Variants in KCNH7 observed in about 807,000 individuals in gnomAD.
KCNH7 encodes the protein potassium voltage-gated channel subfamily H member 7.
KCNH7 carries 49 observed loss-of-function variants against 120.8 expected under a neutral mutation model. The observed-to-expected ratio is 0.41, with a 90% CI of 0.32 to 0.51. The LOEUF (loss-of-function observed/expected upper bound fraction) is 0.51, where lower values mean the gene tolerates loss of function less well. Ranked by LOEUF, KCNH7 falls within the 20% of genes least tolerant of loss-of-function variation. The pLI is 0.38. For missense variants in KCNH7, 1,097 were observed against 1,446.6 expected, an observed-to-expected ratio of 0.76 and a Z score of 3.92; for synonymous variants, 547 against 516.1, an observed-to-expected ratio of 1.06 and a Z score of -0.81.
chr2:162,478,882 G>A (rs772036432), intron 6 of KCNH7, among the ~76,000 whole-genome samples: 38 of 152,072 alleles, frequency 2.5e-4, no homozygotes, highest in Non-Finnish European at 3.5e-4. Context: ...AATGCATCCC[G>A]TTTTAGAGAG....
intron 2 of KCNH7, among the ~76,000 whole-genome samples, chr2:162,716,000 C>T (rs1687108477): frequency 6.6e-6 from 1 of 150,830 alleles, no homozygotes; most frequent in Non-Finnish European, 1.5e-5. Context: ...TCGGAAGGTC[C>T]TTTAACAAAT....
intron 11 of KCNH7, 62 bp downstream of exon 11, chr2:162,396,678 T>G: frequency 8.2e-7 from 1 of 1,216,256 alleles, no homozygotes; most frequent in Non-Finnish European, 1.2e-6. Context: ...GAAGTATTTG[T>G]GCAATTCAAG....
chr2:162,671,596 C>T (rs1178300790), intron 2 of KCNH7, among the ~76,000 whole-genome samples: 4 of 151,986 alleles, frequency 2.6e-5, no homozygotes, highest in African/African-American at 9.7e-5. Flanking sequence ...GACATACTAC[C>T]TACCTATTTG....
intron 7 of KCNH7, among the ~76,000 whole-genome samples, chr2:162,441,060 A>G (rs972916034): frequency 6.6e-6 from 1 of 151,368 alleles, no homozygotes; most frequent in Non-Finnish European, 1.5e-5. Flanking sequence ...GGGATCTCAT[A>G]TCTCTTAAAA....
At chr2:162,574,374 T>A (rs1428140767) in intron 2 of KCNH7, among the ~76,000 whole-genome samples, 3 of 151,958 alleles carry the variant, frequency 2.0e-5, no homozygotes, top group African/African-American at 4.8e-5. Context: ...TAGTATTTTT[T>A]AAAGTATTAA....
rs367839169 is a variant in KCNH7, at chr2:162,419,659, C to T, written c.2154+3677G>A. Among the ~76,000 whole-genome samples, 34 of 152,056 alleles carry T rather than the reference C, an allele frequency of 2.2e-4. 1 individual carries two copies. Among genetic ancestry groups the T allele is most frequent in the African/African-American group, 7.2e-4 (30 of 41,418 alleles). ...ATTCTCCATTAAATGCTCATACAGG[C>T]ATTTTTTCCATGCAATTATAATATG... On this transcript the variant is annotated intron_variant, in intron 9 of 15. Coordinates refer to ENST00000332142, the MANE Select transcript of KCNH7 (RefSeq NM_033272.4).
chr2:162,823,986 T>C (rs1685202260), intron 2 of KCNH7, among the ~76,000 whole-genome samples: 1 of 152,188 alleles, frequency 6.6e-6, no homozygotes, highest in Non-Finnish European at 1.5e-5. Flanking sequence ...AGCAGAGCAT[T>C]AGCTCTGCCA....
intron 6 of KCNH7, among the ~76,000 whole-genome samples, chr2:162,458,554 T>C (rs542303993): frequency 6.6e-6 from 1 of 152,256 alleles, no homozygotes; most frequent in South Asian, 2.1e-4. Context: ...AAACTACATA[T>C]GGATTCTTCC....
intron 2 of KCNH7, among the ~76,000 whole-genome samples, chr2:162,546,894 C>G (rs1417723219): frequency 1.3e-5 from 2 of 151,792 alleles, no homozygotes; most frequent in African/African-American, 2.4e-5. Flanking sequence ...GATGGAGTGT[C>G]TGAAGAGAGG....
At chr2:162,683,540 G>A (rs538676628) in intron 2 of KCNH7, among the ~76,000 whole-genome samples, 1 of 151,856 alleles carries the variant, frequency 6.6e-6, no homozygotes, top group Non-Finnish European at 1.5e-5. Context: ...ATTCACAAAG[G>A]TGAAAGAAAG....
chr2:162,433,321 A>C (rs1409933931), intron 8 of KCNH7, among the ~76,000 whole-genome samples: 3 of 152,108 alleles, frequency 2.0e-5, no homozygotes, highest in Non-Finnish European at 4.4e-5. Flanking sequence ...GAATAGTCAA[A>C]GCAATCCTGA....
intron 2 of KCNH7, among the ~76,000 whole-genome samples, chr2:162,775,976 T>C (rs1227347977): frequency 6.6e-6 from 1 of 152,162 alleles, no homozygotes; most frequent in East Asian, 1.9e-4. Context: ...AGGAATATTG[T>C]GAGGATTACA....
chr2:162,482,995 G>T (rs1174693981), intron 6 of KCNH7, among the ~76,000 whole-genome samples: 1 of 151,908 alleles, frequency 6.6e-6, no homozygotes, highest in East Asian at 1.9e-4. Flanking sequence ...ATTATATTCT[G>T]GATTTATTCT....
At chr2:162,558,503 CTTTTT>C (rs71410015) in intron 2 of KCNH7, among the ~76,000 whole-genome samples, 5 of 80,694 alleles carry the variant, frequency 6.2e-5, no homozygotes, top group Admixed American at 1.4e-4. Flanking sequence ...TTCTCAATGG[CTTTTT>C]TTTTTTTTTT....
chr2:162,492,220 G>A (rs1418257905), intron 6 of KCNH7, among the ~76,000 whole-genome samples: 1 of 152,194 alleles, frequency 6.6e-6, no homozygotes, highest in Non-Finnish European at 1.5e-5. Context: ...CCAATCTGGT[G>A]CACTTTGTGT....
chr2:162,590,431 C>G (rs1452676588), intron 2 of KCNH7, among the ~76,000 whole-genome samples: 1 of 152,030 alleles, frequency 6.6e-6, no homozygotes, highest in Non-Finnish European at 1.5e-5. Context: ...CATTTTAGCT[C>G]TAACAAAGGA....
chr2:162,405,976 A>G (rs970796059), intron 9 of KCNH7, among the ~76,000 whole-genome samples: 1 of 151,998 alleles, frequency 6.6e-6, no homozygotes, highest in Non-Finnish European at 1.5e-5. Context: ...TCAAGGAGAA[A>G]AGATAGATAT....
intron 2 of KCNH7, among the ~76,000 whole-genome samples, chr2:162,813,005 A>T (rs1177827671): frequency 6.6e-6 from 1 of 152,074 alleles, no homozygotes; most frequent in Non-Finnish European, 1.5e-5. Flanking sequence ...AGTTGTTAAG[A>T]ATTTTTACAT....
chr2:162,618,412 A>G (rs1683222511), intron 2 of KCNH7, among the ~76,000 whole-genome samples: 1 of 152,146 alleles, frequency 6.6e-6, no homozygotes, highest in Non-Finnish European at 1.5e-5. Context: ...TAATTATTAG[A>G]AAATCTGCAT....
Sources: allele counts gnomAD v4.1 joint callset (sites outside exome capture counted in the v4.1 genomes callset), GRCh38; gene constraint gnomAD v4.1.1; transcripts MANE v1.5; gene names NCBI Gene and HGNC (gene_info 2026-07-23, HGNC 2026-07-21).